The following DNAAF9 variants were observed in gnomAD, a reference collection of about 807,000 sequenced individuals.
DNAAF9 encodes the protein dynein axonemal assembly factor 9, also known as shulin.
Under a neutral mutation model 167.0 loss-of-function variants are expected in DNAAF9, and 90 were observed. That is an observed-to-expected ratio of 0.54 (90% confidence interval 0.45 to 0.64). The LOEUF (loss-of-function observed/expected upper bound fraction) is 0.64. DNAAF9 is among the 30% of genes least tolerant of loss of function. The pLI, the probability that DNAAF9 is intolerant of heterozygous loss-of-function variation, is 0.00. For synonymous variants in DNAAF9, 491 were observed against 508.8 expected (o/e 0.96, Z 0.47); for missense variants, 1,315 against 1,442.2 (o/e 0.91, Z 1.43).
At chr20:3,368,395 G>C (rs1244701604) in intron 6 of DNAAF9, among the ~76,000 whole-genome samples, 2 of 152,146 alleles carry the variant, frequency 1.3e-5, no homozygotes, top group East Asian at 3.9e-4. Flanking sequence ...TTTTGTTTTG[G>C]GGGGCTTTTG....
intron 15 of DNAAF9, 108 bp from the exon 16 acceptor site, chr20:3,322,370 T>A: frequency 1.1e-6 from 1 of 888,808 alleles, no homozygotes; most frequent in Non-Finnish European, 1.9e-6. Flanking sequence ...AGATTCGGAT[T>A]GCTCTTAGGG....
chr20:3,272,426 T>C (rs948781280), intron 29 of DNAAF9, among the ~76,000 whole-genome samples: 3 of 152,100 alleles, frequency 2.0e-5, no homozygotes, highest in Non-Finnish European at 4.4e-5. Context: ...TGGGTCTCAT[T>C]TTGTTGCCCA....
rs139008037 is a variant in DNAAF9, at chr20:3,300,246, G to A, written c.1783-2071C>T. 2.8e-3 allele frequency among the ~76,000 whole-genome samples: 423 copies of A among 152,082 alleles called. 1 individual carries two copies. The highest frequency in any genetic ancestry group is 9.5e-3 in the African/African-American group (396 of 41,496). Reference sequence around the variant, plus strand: ...AAAAATGCCATTGGGATTTTGATACGGACTGCACTGAACCTACAGATCATG... The same window carrying A: ...AAAAATGCCATTGGGATTTTGATACAGACTGCACTGAACCTACAGATCATG... On this transcript the variant is annotated intron_variant, in intron 21 of 36. Transcript: ENST00000252032.
intron 14 of DNAAF9, among the ~76,000 whole-genome samples, chr20:3,324,049 C>T (rs1196121956): frequency 6.6e-6 from 1 of 152,148 alleles, no homozygotes; most frequent in Non-Finnish European, 1.5e-5. Flanking sequence ...GCCAGGGCAG[C>T]AAGATCCAGA....
At chr20:3,370,569 C>A (rs1179034528) in intron 6 of DNAAF9, among the ~76,000 whole-genome samples, 14 of 152,062 alleles carry the variant, frequency 9.2e-5, no homozygotes, top group Non-Finnish European at 2.9e-5. Context: ...GCCACCATGC[C>A]CAGCTAATTT....
At chr20:3,286,583 T>A (rs1055416553) in intron 27 of DNAAF9, among the ~76,000 whole-genome samples, 1 of 152,094 alleles carries the variant, frequency 6.6e-6, no homozygotes, top group Non-Finnish European at 1.5e-5. Context: ...TTCCTCTGGT[T>A]TCTAGGACCT....
chr20:3,301,280 C>T (rs1159778547), intron 21 of DNAAF9, among the ~76,000 whole-genome samples: 2 of 151,888 alleles, frequency 1.3e-5, no homozygotes, highest in African/African-American at 4.8e-5. Flanking sequence ...CTCCGCCTCC[C>T]AGGTTCAAGC....
chr20:3,376,146 C>T, intron 4 of DNAAF9, 32 bp downstream of exon 4: 1 of 1,602,546 alleles, frequency 6.2e-7, no homozygotes, highest in Non-Finnish European at 8.5e-7. Context: ...CTTAGAGTGT[C>T]TCTAGGTGCC....
chr20:3,295,493 TAAAGAAGCCCAAACAC>T, intron 23 of DNAAF9: 1 of 288,986 alleles, frequency 3.5e-6, no homozygotes, highest in African/African-American at 2.2e-5. Flanking sequence ...TTTTTTTTTT[TAAAGAAGCCCAAACAC>T]ATTTTCTTGC....
intron 7 of DNAAF9, among the ~76,000 whole-genome samples, chr20:3,353,639 C>G (rs1182907492): frequency 6.0e-5 from 6 of 99,886 alleles, no homozygotes; most frequent in African/African-American, 1.3e-4. Context: ...CCGCACCACC[C>G]CCCCCCCCGC....
At chr20:3,404,093 G>A (rs1180407329) in intron 1 of DNAAF9, among the ~76,000 whole-genome samples, 1 of 152,210 alleles carries the variant, frequency 6.6e-6, no homozygotes, top group Non-Finnish European at 1.5e-5. Context: ...GCAATGGCAA[G>A]ATCTTGGCTC....
chr20:3,395,939 T>C (rs906315815), intron 1 of DNAAF9, among the ~76,000 whole-genome samples: 3 of 152,016 alleles, frequency 2.0e-5, no homozygotes, highest in Non-Finnish European at 2.9e-5. Flanking sequence ...AGGAACCTGG[T>C]AGGAGGTAAT....
chr20:3,256,974 C>A (rs1316729522), intron 33 of DNAAF9, among the ~76,000 whole-genome samples: 2 of 151,950 alleles, frequency 1.3e-5, no homozygotes, highest in Non-Finnish European at 2.9e-5. Context: ...GCACTCCAGC[C>A]TGGGCAACAG....
intron 29 of DNAAF9, among the ~76,000 whole-genome samples, chr20:3,274,169 G>A (rs1201392586): frequency 6.6e-6 from 1 of 152,014 alleles, no homozygotes; most frequent in East Asian, 1.9e-4. Flanking sequence ...TTGAGACAGA[G>A]TCTCACTGGG....
chr20:3,307,191 C>G (rs1218645289), intron 20 of DNAAF9: 5 of 980,138 alleles, frequency 5.1e-6, no homozygotes, highest in Non-Finnish European at 6.1e-6. Flanking sequence ...TCTGAAGCCT[C>G]AAAACAAAAT....
chr20:3,364,512 C>T (rs1600862826), intron 6 of DNAAF9, among the ~76,000 whole-genome samples: 1 of 152,202 alleles, frequency 6.6e-6, no homozygotes, highest in Non-Finnish European at 1.5e-5. Context: ...GAGTGATCTA[C>T]CCAGGGCCCA....
chr20:3,282,055 G>A (rs1181080209), intron 27 of DNAAF9, among the ~76,000 whole-genome samples: 3 of 152,192 alleles, frequency 2.0e-5, no homozygotes, highest in Non-Finnish European at 4.4e-5. Flanking sequence ...AGCTCTGAGG[G>A]TGGGACCTAG....
At chr20:3,385,629 T>C (rs2093319366) in intron 1 of DNAAF9, among the ~76,000 whole-genome samples, 2 of 152,202 alleles carry the variant, frequency 1.3e-5, no homozygotes, top group African/African-American at 4.8e-5. Context: ...GGTCTCACTT[T>C]GTTGCCTCCC....
intron 33 of DNAAF9, among the ~76,000 whole-genome samples, chr20:3,256,612 A>G (rs971857028): frequency 6.6e-5 from 10 of 152,210 alleles, no homozygotes; most frequent in African/African-American, 2.4e-4. Flanking sequence ...GATCAGGTGG[A>G]CACTATTATC....
Sources: gnomAD v4.1 joint callset for allele counts (sites outside exome capture counted in the v4.1 genomes callset) on GRCh38, gnomAD v4.1.1 for gene constraint, MANE v1.5 for transcripts, NCBI Gene and HGNC (gene_info 2026-07-23, HGNC 2026-07-21) for gene names.